The following PRR5 variants were observed in gnomAD, a reference collection of about 807,000 sequenced individuals.
PRR5 encodes proline rich 5.
A neutral mutation model predicts 30.6 loss-of-function variants in PRR5; 25 were observed. The ratio of observed to expected loss-of-function variants is 0.82; its 90% CI spans 0.60 to 1.14. The LOEUF (loss-of-function observed/expected upper bound fraction) is 1.14, where lower values mean the gene tolerates loss of function less well. Among genes scored for constraint, PRR5 ranks in the 50% most tolerant of loss-of-function variants. The pLI is 0.00. For synonymous variants in PRR5, 286 were observed against 247.1 expected (o/e 1.16, Z -1.48); for missense variants, 600 against 547.1 (o/e 1.10, Z -0.96).
intron 1 of PRR5, among the ~76,000 whole-genome samples, chr22:44,685,742 G>A (rs1924691688): frequency 6.6e-6 from 1 of 152,286 alleles, no homozygotes; most frequent in South Asian, 2.1e-4. Flanking sequence ...ACATGCTGGA[G>A]TTGCTCAGAA....
Position 44,732,409 on chromosome 22 carries a change from AG to A in PRR5, c.555+21del. On this transcript the variant is annotated intron_variant, in intron 6 of 7. Transcript: ENST00000336985. ...TGCTGCAGGTGGGCACAGTGGGCAG[AG>A]GGTCGGGCATGGGGACCGTGGGGCA... 1 of 1,595,668 alleles carries A rather than the reference AG, an allele frequency of 6.3e-7. No individual in the cohort carries two copies. The highest frequency in any genetic ancestry group is 8.5e-7 in the Non-Finnish European group (1 of 1,171,534).
chr22:44,706,594 A>G (rs1051214918), intron 1 of PRR5, among the ~76,000 whole-genome samples: 6 of 152,148 alleles, frequency 3.9e-5, no homozygotes, highest in Admixed American at 1.3e-4. Flanking sequence ...CAGTGGCACA[A>G]TCATGGCTCA....
chr22:44,725,389 C>G, intron 3 of PRR5, 97 bp downstream of exon 3: 1 of 1,533,424 alleles, frequency 6.5e-7, no homozygotes, highest in Non-Finnish European at 8.9e-7. Flanking sequence ...AGCGCCGGCT[C>G]CCCCACTGTC....
rs111436240 is a variant in PRR5, at chr22:44,723,285, A to G, written c.216-1959A>G. 2.8e-3 allele frequency among the ~76,000 whole-genome samples: 420 copies of G among 152,220 alleles called. 3 individuals are homozygous for G. The highest frequency in any genetic ancestry group is 9.6e-3 in the African/African-American group (397 of 41,534). On this transcript the variant is annotated intron_variant, in intron 2 of 7. Transcript: ENST00000336985. ...AGGCATGAGCTACTACACCTGGCCA[A>G]AGCTTGTCAGAACATTGAAAGCTGT...
At position 44,735,048 on chromosome 22, in the gene PRR5, G is replaced by A. The variant is rs377481820; in HGVS notation, c.577G>A (p.Val193Met). ...GCAGGGGGTACATGAGTCCAGGGGCGTGACTGAGGACTACCTGCGCCTGGA... is the reference window on the plus strand; with the variant it reads ...GCAGGGGGTACATGAGTCCAGGGGCATGACTGAGGACTACCTGCGCCTGGA... ...VLQGVHESRG[V>M]TEDYLRLETL... Residue 193 changes from valine to methionine, a missense_variant, in exon 7 of 8, where the codon GTG becomes ATG. Physicochemically the swap from Val to Met is conservative, Grantham distance 21. Coordinates refer to ENST00000336985, the MANE Select transcript of PRR5 (RefSeq NM_181333.4). The A allele has an allele frequency of 7.4e-5, 119 of 1,612,576 alleles. No homozygotes were observed. The highest frequency in any genetic ancestry group is 1.3e-4 in the African/African-American group (10 of 74,922).
At chr22:44,694,538 G>A (rs1275352602) in intron 1 of PRR5, among the ~76,000 whole-genome samples, 5 of 151,984 alleles carry the variant, frequency 3.3e-5, no homozygotes, top group Non-Finnish European at 7.4e-5. Flanking sequence ...ATCCATGCAC[G>A]GACACTCTGT....
intron 1 of PRR5, among the ~76,000 whole-genome samples, chr22:44,705,450 A>C (rs1053770378): frequency 3.3e-5 from 5 of 151,386 alleles, no homozygotes; most frequent in African/African-American, 9.7e-5. Context: ...CAGCCTCTGG[A>C]GTAGCTGGGA....
intron 1 of PRR5, among the ~76,000 whole-genome samples, chr22:44,689,515 G>A (rs1925052776): frequency 6.6e-6 from 1 of 152,158 alleles, no homozygotes. Context: ...CTCCCTTTAG[G>A]GACCAAGTGT....
rs541994602 is a variant in PRR5 at position 44,723,211 on chromosome 22, G to T, written c.216-2033G>T. On this transcript the variant is annotated intron_variant, in intron 2 of 7. Coordinates refer to ENST00000336985, the MANE Select transcript of PRR5 (RefSeq NM_181333.4). ...GTTGGCCAGGCTGGTTTCGAACTTT[G>T]GACCTCAGGTGATCTGCCCACCTTG... 5.9e-5 allele frequency among the ~76,000 whole-genome samples: 9 copies of T among 151,838 alleles called. No homozygotes were observed. The South Asian group carries it at 1.3e-3, about 21-fold the overall frequency.
upstream of PRR5, among the ~76,000 whole-genome samples, chr22:44,701,113 C>CCTGAGG (rs1926239357): frequency 6.6e-6 from 1 of 152,162 alleles, no homozygotes; most frequent in Non-Finnish European, 1.5e-5. Context: ...AACTCCTGAC[C>CCTGAGG]TCAGGTGATC....
At chr22:44,734,876 G>T (rs1160331228) in intron 6 of PRR5, 151 bp from the exon 7 acceptor site, 1 of 1,117,836 alleles carries the variant, frequency 8.9e-7, no homozygotes, top group African/African-American at 1.6e-5. Flanking sequence ...GGAGGCCACC[G>T]TGGGCCCTGC....
At chr22:44,717,141 G>A (rs968833783) in intron 2 of PRR5, among the ~76,000 whole-genome samples, 35 of 148,976 alleles carry the variant, frequency 2.3e-4, no homozygotes, top group Non-Finnish European at 4.3e-4. Context: ...GAGAGAATCT[G>A]TTACTAGAGA....
At chr22:44,713,929 G>A (rs912664726) in intron 1 of PRR5, among the ~76,000 whole-genome samples, 3 of 152,144 alleles carry the variant, frequency 2.0e-5, no homozygotes, top group South Asian at 2.1e-4. Flanking sequence ...TCAGCCTCCC[G>A]AGCAGCTGGG....
intron 6 of PRR5, among the ~76,000 whole-genome samples, chr22:44,732,818 C>T (rs1280491322): frequency 4.2e-5 from 4 of 94,276 alleles, no homozygotes; most frequent in African/African-American, 1.2e-4. Context: ...ACACACTACA[C>T]GTGTGCACGC....
chr22:44,679,888 G>GCC, intron 1 of PRR5: 1 of 1,574,042 alleles, frequency 6.4e-7, no homozygotes, highest in Non-Finnish European at 8.6e-7. Flanking sequence ...TTGTACAGGT[G>GCC]CCACTGTGCC....
upstream of PRR5, among the ~76,000 whole-genome samples, chr22:44,697,963 G>A (rs151034496): frequency 2.4e-4 from 36 of 152,292 alleles, no homozygotes; most frequent in East Asian, 6.8e-3. Flanking sequence ...CCTTTGGCTG[G>A]CCTGTGTCCC....
intron 4 of PRR5, chr22:44,729,745 T>G: frequency 1.5e-5 from 15 of 985,462 alleles, no homozygotes; most frequent in Non-Finnish European, 1.8e-5. Flanking sequence ...ACCGTGTGGC[T>G]CCAGCTGGGG....
In PRR5 at chr22:44,737,639, G is replaced by T; in HGVS notation, c.*392G>T. 4.9e-6 allele frequency: 1 copy of T among 204,014 alleles called. No individual in the cohort carries two copies. Among genetic ancestry groups the T allele is most frequent in the South Asian group, 1.2e-4 (1 of 8,084 alleles). The allele number at this position is 204,014 out of a possible 1,614,324, so 12.6% of individuals were successfully genotyped here. ...CACCTGTCTCCTCCTGCCTGGGGTG[G>T]CCATGGGGATGGAAGGGGGTGGAAT... is the stretch of plus-strand genomic sequence containing the variant. On this transcript the variant is annotated 3_prime_UTR_variant, in exon 8 of 8. Coordinates refer to ENST00000336985, the MANE Select transcript of PRR5 (RefSeq NM_181333.4).
chr22:44,729,445 C>G, intron 4 of PRR5: 1 of 985,430 alleles, frequency 1.0e-6, no homozygotes, highest in Non-Finnish European at 1.2e-6. Flanking sequence ...CCTGCATCAG[C>G]CCCTGCTACT....
Sources: gnomAD v4.1 joint callset for allele counts (sites outside exome capture counted in the v4.1 genomes callset) on GRCh38, gnomAD v4.1.1 for gene constraint, MANE v1.5 for transcripts, NCBI Gene and HGNC (gene_info 2026-07-23, HGNC 2026-07-21) for gene names.